RAE1: variants seen among roughly 807,000 people sequenced by gnomAD.
RAE1 encodes the protein ribonucleic acid export 1, also known as mRNA export factor RAE1.
RAE1 carries 13 observed loss-of-function variants against 52.7 expected under a neutral mutation model. The ratio of observed to expected loss-of-function variants is 0.25; its 90% CI spans 0.16 to 0.39. The LOEUF is 0.39. Ranked by LOEUF, RAE1 falls within the 10% of genes least tolerant of loss-of-function variation. The pLI, the probability that RAE1 is intolerant of heterozygous loss-of-function variation, is 1.00. For missense variants in RAE1, 262 were observed against 459.8 expected (o/e 0.57, Z 3.93); for synonymous variants, 164 against 153.1 (o/e 1.07, Z -0.52).
At chr20:57,369,118 AAGAC>A (rs1358256340) in intron 8 of RAE1, among the ~76,000 whole-genome samples, 9 of 152,228 alleles carry the variant, frequency 5.9e-5, no homozygotes, top group Non-Finnish European at 7.3e-5. Flanking sequence ...TAGCTGGTAA[AAGAC>A]AGATTAATAG....
rs754297364 is a variant in RAE1, at chr20:57,365,389, A to G, written c.322A>G (p.Lys108Glu). Residue 108 changes from lysine to glutamate, a missense_variant, in exon 5 of 12, where the codon AAA (lysine) becomes GAA (glutamate). Physicochemically the swap from Lys to Glu is moderately conservative, Grantham distance 56. Transcript: ENST00000395841. ...CAAAGTGTTTACGGCATCGTGTGAT[A>G]AAACTGCCAAAATGTGGGACCTCAG... ...GSKVFTASCD[K>E]TAKMWDLSSN... 1.2e-6 allele frequency: 2 copies of G among 1,610,784 alleles called. No individual in the cohort carries two copies. Among genetic ancestry groups the G allele is most frequent in the Admixed American group, 1.7e-5 (1 of 59,844 alleles).
At position 57,378,683 on chromosome 20, in the gene RAE1, T is replaced by C. The variant is rs1222037184; in HGVS notation, c.*584T>C. 1.3e-5 allele frequency: 2 copies of C among 152,330 alleles called. No homozygotes were observed. The highest frequency in any genetic ancestry group is 4.8e-5 in the African/African-American group (2 of 41,458). The allele number at this position is 152,330 out of a possible 1,614,324, so 9.4% of individuals were successfully genotyped here. On this transcript the variant is annotated 3_prime_UTR_variant, in exon 12 of 12. Transcript: ENST00000395841. ...AGAGTTTGAATGTGTTTTTCCTTGC[T>C]TCCCTCATTCCCATCTTCAAAATCC...
rs6070089 is a variant in RAE1 at position 57,378,626 on chromosome 20, C to T, written c.*527C>T. On this transcript the variant is annotated 3_prime_UTR_variant, in exon 12 of 12. Coordinates refer to ENST00000395841, the MANE Select transcript of RAE1 (RefSeq NM_003610.4). ...CCCAGCTGCGCTCACTTCTGCTGCG[C>T]GGAACGGCAGCCTCTGTGAGCCCTG... 75,951 of 152,388 alleles carry T rather than the reference C, an allele frequency of 0.5. 22,043 individuals are homozygous for T. The highest frequency in any genetic ancestry group is 0.71 in the East Asian group (3,680 of 5,174). The allele number at this position is 152,388 out of a possible 1,614,324, so 9.4% of individuals were successfully genotyped here.
At chr20:57,367,308 C>T (rs1243321192) in intron 7 of RAE1, among the ~76,000 whole-genome samples, 2 of 152,022 alleles carry the variant, frequency 1.3e-5, no homozygotes, top group East Asian at 1.9e-4. Flanking sequence ...TTTCCTGCCA[C>T]TCGTTTGAAC....
rs1260097707 is a variant in RAE1, at chr20:57,351,402, C to A, written c.-28C>A. On this transcript the variant is annotated 5_prime_UTR_variant, in exon 1 of 12. Transcript: ENST00000395841. Reference sequence around the variant, plus strand: ...CCCTTCTGCTCCCGGCCGCCGCTTTCCGCCGGGGCGAGACCCCCAGGTAGG... The same window carrying A: ...CCCTTCTGCTCCCGGCCGCCGCTTTACGCCGGGGCGAGACCCCCAGGTAGG... 2.0e-6 allele frequency: 2 copies of A among 985,386 alleles called. No individual in the cohort carries two copies. Among genetic ancestry groups the A allele is most frequent in the African/African-American group, 3.5e-5 (2 of 57,240 alleles). 61.0% of individuals were successfully genotyped at this position (985,386 alleles called of 1,614,324 possible).
chr20:57,378,313 C>CT lies in RAE1; in HGVS notation c.*215dup, dbSNP rs2067145258. 8.1e-5 allele frequency: 42 copies of CT among 521,030 alleles called. No individual in the cohort carries two copies. The South Asian group carries it at 1.2e-3, about 15-fold the overall frequency. 32.3% of individuals were successfully genotyped at this position (521,030 alleles called of 1,614,324 possible). A position where few individuals can be genotyped will look rare whatever the true frequency, so the allele number is the denominator to read the frequency against. On this transcript the variant is annotated 3_prime_UTR_variant, in exon 12 of 12. Transcript: ENST00000395841. The stretch of plus-strand genomic sequence containing the variant: ...TGCCTGTTGCAGAGTTTTTCTGTAA[C>CT]TAAGGGGGTTGAGGTTATTGTAGAC...
Position 57,374,659 on chromosome 20 carries a change from C to A in RAE1, c.878C>A (p.Ser293Tyr). The A allele has an allele frequency of 6.2e-7, 1 of 1,614,208 alleles. No homozygotes were observed. Among genetic ancestry groups the A allele is most frequent in the Non-Finnish European group, 8.5e-7 (1 of 1,180,026 alleles). ...CATGGCACCCTTGCAACTGTGGGATCTGATGGTAGATTCAGCTTCTGGGAC... is the reference window on the plus strand; with the variant it reads ...CATGGCACCCTTGCAACTGTGGGATATGATGGTAGATTCAGCTTCTGGGAC... ...PVHGTLATVG[S>Y]DGRFSFWDKD... Residue 293 changes from serine (S) to tyrosine (Y), a missense_variant, in exon 11 of 12, where the codon TCT (serine) becomes TAT (tyrosine). Physicochemically the swap from Ser to Tyr is moderately radical, Grantham distance 144 (BLOSUM62 -2). Transcript: ENST00000395841.
chr20:57,374,196 C>T (rs917843390), intron 10 of RAE1, among the ~76,000 whole-genome samples: 3 of 152,164 alleles, frequency 2.0e-5, no homozygotes, highest in Non-Finnish European at 4.4e-5. Context: ...TCTGTGTTAA[C>T]GTGCCGCCTA....
chr20:57,355,439 A>G (rs779265583), intron 3 of RAE1, among the ~76,000 whole-genome samples: 13 of 152,220 alleles, frequency 8.5e-5, no homozygotes. Flanking sequence ...GCCAGCAAGG[A>G]TAAGCTGAAA....
rs2066810325 is a variant in RAE1, at chr20:57,357,573, AAG to A, written c.288+1040_288+1041del. The A allele has an allele frequency of 2.0e-5, 3 of 152,308 alleles. No homozygotes were observed. In the South Asian group the frequency reaches 6.2e-4, roughly 32 times the overall value. 9.4% of individuals were successfully genotyped at this position (152,308 alleles called of 1,614,324 possible). A position where few individuals can be genotyped will look rare whatever the true frequency, so the allele number is the denominator to read the frequency against. ...GGGTTATGCCATTCGAATTTGTAAG[AAG>A]AGAGTGGTTTAGAAGGGTCTTGGTA... On this transcript the variant is annotated intron_variant, in intron 4 of 11. Transcript: ENST00000395841.
At chr20:57,363,114 G>A (rs148867498) in intron 4 of RAE1, among the ~76,000 whole-genome samples, 1 of 152,334 alleles carries the variant, frequency 6.6e-6, no homozygotes, top group Non-Finnish European at 1.5e-5. Flanking sequence ...TAAACCATTT[G>A]CCTATAGCTT....
chr20:57,368,664 C>T (rs774911529), intron 7 of RAE1, 41 bp from the exon 8 acceptor site: 2 of 1,415,554 alleles, frequency 1.4e-6, no homozygotes, highest in Non-Finnish European at 2.0e-6. Flanking sequence ...ACAGCACACT[C>T]CTTCACCTGA....
chr20:57,362,010 G>A (rs2066898167), intron 4 of RAE1, among the ~76,000 whole-genome samples: 1 of 152,180 alleles, frequency 6.6e-6, no homozygotes, highest in Admixed American at 6.5e-5. Context: ...CTGTTGTGAA[G>A]TGCACACGTG....
At chr20:57,352,781 A>G (rs2066729900) in intron 1 of RAE1, among the ~76,000 whole-genome samples, 1 of 152,206 alleles carries the variant, frequency 6.6e-6, no homozygotes, top group Non-Finnish European at 1.5e-5. Context: ...ACAGATGAGA[A>G]AATCAAGGTT....
intron 1 of RAE1, among the ~76,000 whole-genome samples, chr20:57,353,313 T>C (rs139350360): frequency 5.3e-5 from 8 of 152,364 alleles, no homozygotes; most frequent in Non-Finnish European, 7.3e-5. Flanking sequence ...TAATGTTCTC[T>C]ATGTTTGCAG....
At chr20:57,352,157 A>T (rs1478337517) in intron 1 of RAE1, among the ~76,000 whole-genome samples, 2 of 113,414 alleles carry the variant, frequency 1.8e-5, no homozygotes, top group Non-Finnish European at 3.4e-5. Flanking sequence ...TGACAGCTTT[A>T]TTGAAGTATA....
chr20:57,354,644 A>G (rs759396377), intron 2 of RAE1, 68 bp from the exon 3 acceptor site: 12 of 1,182,722 alleles, frequency 1.0e-5, no homozygotes, highest in South Asian at 1.7e-5. Context: ...GTAATTAGTG[A>G]GAAAGAAAAC....
At chr20:57,363,769 G>T (rs1423547259) in intron 4 of RAE1, among the ~76,000 whole-genome samples, 3 of 152,258 alleles carry the variant, frequency 2.0e-5, no homozygotes, top group East Asian at 3.8e-4. Context: ...GGCACCTATT[G>T]TATGCTAAAT....
At chr20:57,376,832 G>A (rs778927068) in intron 11 of RAE1, among the ~76,000 whole-genome samples, 2 of 152,146 alleles carry the variant, frequency 1.3e-5, no homozygotes, top group Non-Finnish European at 2.9e-5. Flanking sequence ...GACTCTATAC[G>A]TTATACGCGT....
Sources: allele counts gnomAD v4.1 joint callset (sites outside exome capture counted in the v4.1 genomes callset), GRCh38; gene constraint gnomAD v4.1.1; transcripts MANE v1.5; gene names NCBI Gene and HGNC (gene_info 2026-07-23, HGNC 2026-07-21).